Variants in MAGI1 observed in about 807,000 individuals in gnomAD.
MAGI1 encodes the protein membrane associated guanylate kinase, WW and PDZ domain containing 1.
MAGI1 carries 58 observed loss-of-function variants against 139.9 expected under a neutral mutation model. That is an observed-to-expected ratio of 0.41 (90% confidence interval 0.34 to 0.52). The LOEUF (loss-of-function observed/expected upper bound fraction) is 0.52. Among genes scored for constraint, MAGI1 ranks in the 20% least tolerant of loss-of-function variants. The probability of loss-of-function intolerance (pLI) is 0.12; values close to 1 mark genes in which losing one functional copy is unlikely to be tolerated. For synonymous variants in MAGI1, 812 were observed against 737.9 expected (o/e 1.10, Z -1.63); for missense variants, 1,874 against 1,901.6 (o/e 0.99, Z 0.27).
At position 65,687,282 on chromosome 3, in the gene MAGI1, C is replaced by T. The variant is rs562481362; in HGVS notation, c.314-65194G>A. 1.5e-5 allele frequency: 3 copies of T among 197,782 alleles called. No homozygotes were observed. In the South Asian group the frequency reaches 3.1e-4, roughly 20 times the overall value. 12.3% of individuals were successfully genotyped at this position (197,782 alleles called of 1,614,324 possible). A position where few individuals can be genotyped will look rare whatever the true frequency, so the allele number is the denominator to read the frequency against. On this transcript the variant is annotated intron_variant, in intron 1 of 22. Coordinates refer to ENST00000402939, the MANE Select transcript of MAGI1 (RefSeq NM_001033057.2). ...AGGAAGGGGTGATTGATGCGGCTTC[C>T]ATTTGGAATTTAAGGCACCACGAAG...
chr3:65,650,754 T>C (rs946484708), intron 1 of MAGI1, among the ~76,000 whole-genome samples: 3 of 152,194 alleles, frequency 2.0e-5, no homozygotes, highest in African/African-American at 7.2e-5. Context: ...GATTTTCAGG[T>C]CCTGATCCAG....
At chr3:65,807,008 C>T (rs775260748) in intron 1 of MAGI1, among the ~76,000 whole-genome samples, 10 of 152,202 alleles carry the variant, frequency 6.6e-5, no homozygotes, top group Non-Finnish European at 1.2e-4. Flanking sequence ...CAGTACTCTA[C>T]TCAGATGCTA....
chr3:65,480,365 T>C (rs578216532), intron 3 of MAGI1, among the ~76,000 whole-genome samples: 2 of 151,928 alleles, frequency 1.3e-5, no homozygotes, highest in South Asian at 4.2e-4. Context: ...AAATCCTGTC[T>C]CTAAAAAATA....
At chr3:65,865,124 G>T (rs1045548068) in intron 1 of MAGI1, among the ~76,000 whole-genome samples, 15 of 152,166 alleles carry the variant, frequency 9.9e-5, no homozygotes, top group African/African-American at 2.9e-4. Context: ...CCTACAGAGA[G>T]GGTCTATATA....
intron 1 of MAGI1, among the ~76,000 whole-genome samples, chr3:65,704,965 A>G (rs549535116): frequency 2.4e-4 from 36 of 152,186 alleles, no homozygotes; most frequent in African/African-American, 8.2e-4. Context: ...CGGTTTCCTC[A>G]AATCCCCAAC....
intron 1 of MAGI1, among the ~76,000 whole-genome samples, chr3:65,691,307 A>AAAAAAAAAAAAAAAAAAAAAAAAAAAAG (rs1388046202): frequency 5.2e-5 from 7 of 133,734 alleles, no homozygotes; most frequent in Admixed American, 7.4e-5. Context: ...CGTCTCAAAA[A>AAAAAAAAAAAAAAAAAAAAAAAAAAAAG]AAAAAAAAGA....
In MAGI1 at chr3:66,038,558, T is replaced by C. The variant is rs2069064684; in HGVS notation, c.-250A>G. 4.3e-6 allele frequency: 2 copies of C among 469,562 alleles called. No individual in the cohort carries two copies. The highest frequency in any genetic ancestry group is 7.1e-5 in the East Asian group (2 of 28,302). 29.1% of individuals were successfully genotyped at this position (469,562 alleles called of 1,614,324 possible). ...AGCTTTGTTTGCATTCCGGTGCCTC[T>C]GGGTCCACGTTCCGGCGCCCGCCCG... On this transcript the variant is annotated 5_prime_UTR_variant, in exon 1 of 23. Coordinates refer to ENST00000402939, the MANE Select transcript of MAGI1 (RefSeq NM_001033057.2).
chr3:65,644,433 A>AC (rs1022034420), intron 1 of MAGI1, among the ~76,000 whole-genome samples: 7 of 150,958 alleles, frequency 4.6e-5, no homozygotes, highest in Non-Finnish European at 8.9e-5. Flanking sequence ...AAAAAAAAAA[A>AC]CCCAGAAGAC....
At chr3:65,398,690 C>A (rs1457656974) in intron 13 of MAGI1, among the ~76,000 whole-genome samples, 2 of 152,040 alleles carry the variant, frequency 1.3e-5, no homozygotes, top group Admixed American at 1.3e-4. Context: ...TTAAGTTGGG[C>A]CACAGAATCA....
At chr3:65,536,680 G>C (rs1208219496) in intron 2 of MAGI1, among the ~76,000 whole-genome samples, 4 of 152,104 alleles carry the variant, frequency 2.6e-5, no homozygotes, top group African/African-American at 9.7e-5. Flanking sequence ...AGTGTTCAGG[G>C]CTGGCCATAT....
intron 1 of MAGI1, among the ~76,000 whole-genome samples, chr3:65,966,579 C>G (rs2107141310): frequency 6.7e-6 from 1 of 149,550 alleles, no homozygotes; most frequent in East Asian, 2.0e-4. Context: ...GATGGCACCA[C>G]TGTACTCCAG....
intron 1 of MAGI1, among the ~76,000 whole-genome samples, chr3:65,951,210 T>G (rs1313494935): frequency 6.6e-6 from 1 of 152,236 alleles, no homozygotes; most frequent in Admixed American, 6.5e-5. Flanking sequence ...CTGCATGTAG[T>G]CAGGCTCTGG....
intron 1 of MAGI1, among the ~76,000 whole-genome samples, chr3:65,812,468 T>TCTCTCACACACACGCACACACACACACA (rs1176899313): frequency 6.3e-4 from 56 of 89,162 alleles, no homozygotes; most frequent in African/African-American, 1.7e-3. Context: ...TCTCTCTCTC[T>TCTCTCACACACACGCACACACACACACA]CACACACACA....
chr3:65,955,921 T>C (rs1239030699), intron 1 of MAGI1, among the ~76,000 whole-genome samples: 2 of 152,086 alleles, frequency 1.3e-5, no homozygotes, highest in South Asian at 2.1e-4. Context: ...AAAACTTCTC[T>C]GTGTCAAAAC....
chr3:65,760,946 A>C (rs973825705), intron 1 of MAGI1, among the ~76,000 whole-genome samples: 44 of 152,330 alleles, frequency 2.9e-4, no homozygotes, highest in African/African-American at 1.1e-3. Context: ...AGAGGTAGGC[A>C]GGAAAGAGTC....
intron 1 of MAGI1, among the ~76,000 whole-genome samples, chr3:65,858,268 A>T (rs1183170478): frequency 3.3e-5 from 5 of 152,226 alleles, no homozygotes; most frequent in Non-Finnish European, 2.9e-5. Context: ...TTGACATAAT[A>T]TGGTAAGTTG....
chr3:65,644,291 A>C (rs2085138501), intron 1 of MAGI1, among the ~76,000 whole-genome samples: 1 of 152,184 alleles, frequency 6.6e-6, no homozygotes, highest in Admixed American at 6.5e-5. Context: ...ACCTGAATGA[A>C]AAAGGCAAGA....
intron 1 of MAGI1, among the ~76,000 whole-genome samples, chr3:65,896,994 T>C (rs779243197): frequency 1.7e-4 from 26 of 152,166 alleles, no homozygotes; most frequent in Non-Finnish European, 3.2e-4. Flanking sequence ...GATGCTCACA[T>C]CTCTGATATA....
chr3:65,621,923 A>ACACACACG, intron 2 of MAGI1, 49 bp downstream of exon 2: 1 of 1,358,924 alleles, frequency 7.4e-7, no homozygotes, highest in Non-Finnish European at 1.0e-6. Flanking sequence ...CTTTTCACAC[A>ACACACACG]CACACACACA....
Sources: gnomAD v4.1 joint callset for allele counts (sites outside exome capture counted in the v4.1 genomes callset) on GRCh38, gnomAD v4.1.1 for gene constraint, MANE v1.5 for transcripts, NCBI Gene and HGNC (gene_info 2026-07-23, HGNC 2026-07-21) for gene names.